Variants in INPP5A observed in about 807,000 individuals in gnomAD.
The protein encoded by INPP5A is 43 kDa inositol polyphosphate 5-phophatase.
A neutral mutation model predicts 65.2 loss-of-function variants in INPP5A; 14 were observed. That is an observed-to-expected ratio of 0.21 (90% CI 0.14 to 0.34). The LOEUF is 0.34. INPP5A is among the 10% of genes least tolerant of loss of function. INPP5A has a pLI of 1.00. For missense variants in INPP5A, 431 were observed against 545.6 expected, an observed-to-expected ratio of 0.79 and a Z score of 2.09; for synonymous variants, 207 against 208.3, an observed-to-expected ratio of 0.99 and a Z score of 0.05.
At position 132,781,888 on chromosome 10, in the gene INPP5A, C is replaced by T. The variant is rs145146330; in HGVS notation, c.1186C>T (p.Pro396Ser). 1.6e-4 allele frequency: 265 copies of T among 1,613,844 alleles called. 1 individual carries two copies. In the African/African-American group the frequency reaches 3.1e-3, roughly 19 times the overall value. Residue 396 changes from proline (P) to serine (S), a missense_variant, in exon 15 of 16, where the codon CCC (proline) becomes TCC (serine). Physicochemically the swap from Pro to Ser is moderately conservative, Grantham distance 74. Coordinates refer to ENST00000368594, the MANE Select transcript of INPP5A (RefSeq NM_005539.5). ...CGTGTTCCTGGCCTTCCGAATCATG[C>T]CCGGGGCAGGTAAACCTCATGCCCA... ...KPVFLAFRIM[P>S]GAGKPHAHVH...
chr10:132,715,954 C>T (rs1330491633), intron 8 of INPP5A, among the ~76,000 whole-genome samples: 1 of 152,232 alleles, frequency 6.6e-6, no homozygotes, highest in Admixed American at 6.5e-5. Context: ...TGCCGTTCCG[C>T]TGCCGTGAAG....
At chr10:132,750,184 G>A (rs768781368) in intron 11 of INPP5A, among the ~76,000 whole-genome samples, 1 of 152,212 alleles carries the variant, frequency 6.6e-6, no homozygotes, top group Non-Finnish European at 1.5e-5. Context: ...GCCGGGCCTC[G>A]GGCCTCACTC....
intron 12 of INPP5A, among the ~76,000 whole-genome samples, chr10:132,777,362 C>T (rs1385549019): frequency 6.6e-6 from 1 of 152,184 alleles, no homozygotes; most frequent in Non-Finnish European, 1.5e-5. Context: ...AGGTTTTCAT[C>T]ATACTTTAGA....
At chr10:132,750,102 T>TC (rs906675315) in intron 11 of INPP5A, among the ~76,000 whole-genome samples, 1 of 151,998 alleles carries the variant, frequency 6.6e-6, no homozygotes, top group Non-Finnish European at 1.5e-5. Flanking sequence ...GCTTCAGAGA[T>TC]CCCCCCGTGT....
At chr10:132,742,868 G>A (rs891645358) in intron 9 of INPP5A, among the ~76,000 whole-genome samples, 7 of 152,182 alleles carry the variant, frequency 4.6e-5, no homozygotes, top group African/African-American at 1.7e-4. Flanking sequence ...TTTAACCGCT[G>A]AAGGCATTGT....
At position 132,688,844 on chromosome 10, in the gene INPP5A, G is replaced by A. The variant is rs575524964; in HGVS notation, c.307-1548G>A. Among the ~76,000 whole-genome samples the A allele has an allele frequency of 1.2e-3, 177 of 151,656 alleles. 2 individuals carry two copies. The highest frequency in any genetic ancestry group is 4.1e-3 in the African/African-American group (168 of 41,330). ...TGACTGAGTGCAAGTGTAAGTGTGCGTGAGTGCGTGTGTGCATGAGTTAGT... is the reference window on the plus strand; with the variant it reads ...TGACTGAGTGCAAGTGTAAGTGTGCATGAGTGCGTGTGTGCATGAGTTAGT... On this transcript the variant is annotated intron_variant, in intron 4 of 15. Transcript: ENST00000368594.
At chr10:132,684,862 G>T (rs372900634) in intron 4 of INPP5A, among the ~76,000 whole-genome samples, 4 of 152,206 alleles carry the variant, frequency 2.6e-5, no homozygotes, top group African/African-American at 9.7e-5. Flanking sequence ...GTGAGGCCGC[G>T]TCCTTCATTT....
chr10:132,643,172 A>G lies in INPP5A; in HGVS notation c.118-2696A>G, dbSNP rs149031318. Among the ~76,000 whole-genome samples, 49 of 152,326 alleles carry G rather than the reference A, an allele frequency of 3.2e-4. No homozygotes were observed. In the East Asian group the frequency reaches 9.2e-3, roughly 29 times the overall value. ...TTTTTCTCCCATAGAGGTATGGTTT[A>G]ATCAGTTAGCTCTGCTAGTATATAG... is the stretch of plus-strand genomic sequence containing the variant. On this transcript the variant is annotated intron_variant, in intron 2 of 15. Coordinates refer to ENST00000368594, the MANE Select transcript of INPP5A (RefSeq NM_005539.5).
rs1336495708 is a variant in INPP5A at position 132,603,447 on chromosome 10, G to A, written c.76-4468G>A. Among the ~76,000 whole-genome samples, 5 of 152,188 alleles carry A rather than the reference G, an allele frequency of 3.3e-5. No homozygotes were observed. Among genetic ancestry groups the A allele is most frequent in the Non-Finnish European group, 7.3e-5 (5 of 68,034 alleles). ...ATCCCAGTCTGCAGAGCTCCAGCAAGGAGGACAGGCTGTGCTTCACCAGTT... is the reference window on the plus strand; with the variant it reads ...ATCCCAGTCTGCAGAGCTCCAGCAAAGAGGACAGGCTGTGCTTCACCAGTT... On this transcript the variant is annotated intron_variant, in intron 1 of 15. Coordinates refer to ENST00000368594, the MANE Select transcript of INPP5A (RefSeq NM_005539.5). The surrounding 1 kb of genome is among the most constrained non-coding windows in gnomAD (Gnocchi z 4.2).
intron 11 of INPP5A, among the ~76,000 whole-genome samples, chr10:132,761,943 C>T (rs540426497): frequency 6.6e-6 from 1 of 151,878 alleles, no homozygotes; most frequent in Non-Finnish European, 1.5e-5. Flanking sequence ...AAGTACCACA[C>T]TATGAAAAAA....
rs369886970 is a variant in INPP5A at position 132,593,587 on chromosome 10, A to G, written c.76-14328A>G. On this transcript the variant is annotated intron_variant, in intron 1 of 15. Transcript: ENST00000368594. ...CTTTCGAAGGATGATTTTGCTGTAC[A>G]CATGACTGGGGTCGGGGGGTAGTCC... 2.5e-4 allele frequency among the ~76,000 whole-genome samples: 38 copies of G among 152,360 alleles called. 1 individual carries two copies. The South Asian group carries it at 7.5e-3, about 30-fold the overall frequency.
chr10:132,551,049 A>T lies in INPP5A; in HGVS notation c.75+12878A>T, dbSNP rs1478905744. ...ATTTGGGCCAGTGGCTTCAGTAGCC[A>T]CACGCTGCTTGGTCCAGGTTCCTGC... On this transcript the variant is annotated intron_variant, in intron 1 of 15. Transcript: ENST00000368594. This position sits in a 1 kb window ranked among gnomAD's most constrained non-coding sequence, Gnocchi z 5.3. Among the ~76,000 whole-genome samples the T allele has an allele frequency of 4.6e-5, 7 of 152,218 alleles. No homozygotes were observed. Among genetic ancestry groups the T allele is most frequent in the Non-Finnish European group, 1.0e-4 (7 of 68,030 alleles).
intron 8 of INPP5A, 78 bp from the exon 9 acceptor site, chr10:132,726,743 G>A (rs1459496911): frequency 4.1e-6 from 4 of 973,890 alleles, no homozygotes; most frequent in Admixed American, 4.0e-5. Flanking sequence ...GATGGGGAGC[G>A]TGGAGGAGCA....
At chr10:132,590,798 A>G (rs758427359) in intron 1 of INPP5A, among the ~76,000 whole-genome samples, 1 of 152,200 alleles carries the variant, frequency 6.6e-6, no homozygotes, top group Non-Finnish European at 1.5e-5. Context: ...GAAAGAGTCT[A>G]GCCCACTTGT....
chr10:132,627,078 C>T lies in INPP5A; in HGVS notation c.118-18790C>T, dbSNP rs1386443816. ...CCCCCGGATGGGATGGGTGCCCTTACAAGAAGGGACACGGGATCAGGCTCT... is the reference window on the plus strand; with the variant it reads ...CCCCCGGATGGGATGGGTGCCCTTATAAGAAGGGACACGGGATCAGGCTCT... On this transcript the variant is annotated intron_variant, in intron 2 of 15. Transcript: ENST00000368594. This position sits in a 1 kb window ranked among gnomAD's most constrained non-coding sequence, Gnocchi z 6.6. 6.6e-6 allele frequency among the ~76,000 whole-genome samples: 1 copy of T among 152,094 alleles called. No homozygotes were observed. Among genetic ancestry groups the T allele is most frequent in the East Asian group, 1.9e-4 (1 of 5,190 alleles).
At chr10:132,668,981 A>T (rs1344409942) in intron 4 of INPP5A, among the ~76,000 whole-genome samples, 1 of 152,176 alleles carries the variant, frequency 6.6e-6, no homozygotes, top group African/African-American at 2.4e-5. Flanking sequence ...GAGGCCGGGC[A>T]TGGTGGCTCA....
chr10:132,619,010 G>A (rs1441944543), intron 2 of INPP5A, among the ~76,000 whole-genome samples: 2 of 152,058 alleles, frequency 1.3e-5, no homozygotes, highest in Non-Finnish European at 2.9e-5. Flanking sequence ...GTATCATTCT[G>A]CCCCAGCCCC....
intron 1 of INPP5A, among the ~76,000 whole-genome samples, chr10:132,578,652 G>A (rs1323042293): frequency 7.7e-6 from 1 of 129,368 alleles, no homozygotes; most frequent in East Asian, 2.7e-4. Context: ...CGGGGGCTGG[G>A]TCTGGGCTTC....
At chr10:132,775,439 G>A (rs1047893931) in intron 12 of INPP5A, among the ~76,000 whole-genome samples, 8 of 152,200 alleles carry the variant, frequency 5.3e-5, no homozygotes, top group South Asian at 2.1e-4. Context: ...GCTCTGCAGC[G>A]TGGCCCCGCC....
Sources: gnomAD v4.1 joint callset for allele counts (sites outside exome capture counted in the v4.1 genomes callset) on GRCh38, gnomAD v4.1.1 for gene constraint, Gnocchi (gnomAD v3.1) non-coding constraint, MANE v1.5 for transcripts, NCBI Gene and HGNC (gene_info 2026-07-23, HGNC 2026-07-21) for gene names.